Variants in PIN4 observed in about 807,000 individuals in gnomAD.
PIN4 encodes the protein peptidyl-prolyl cis-trans isomerase NIMA-interacting 4.
PIN4 carries 3 observed loss-of-function variants against 8.3 expected under a neutral mutation model. The ratio of observed to expected loss-of-function variants is 0.36; its 90% CI spans 0.16 to 0.93. The LOEUF (loss-of-function observed/expected upper bound fraction) is 0.93. Ranked by LOEUF, PIN4 falls within the 40% of genes least tolerant of loss-of-function variation. The pLI is 0.44. For synonymous variants in PIN4, 18 were observed against 32.5 expected, an observed-to-expected ratio of 0.55 and a Z score of 1.52; for missense variants, 75 against 100.6, an observed-to-expected ratio of 0.75 and a Z score of 1.09.
At position 72,253,413 on chromosome X, in the gene PIN4, G is replaced by A. The variant is rs1032699091; in HGVS notation, c.313-9294G>A. On this transcript the variant is annotated intron_variant, in intron 3 of 3. Coordinates refer to the PIN4 transcript ENST00000423432. The stretch of plus-strand genomic sequence containing the variant: ...GGCTGAGGCAGCTGGATTGCCTGAG[G>A]TCAGGAGTTCGAGACCAGCCTGACC... Among the ~76,000 whole-genome samples, 6 of 110,775 alleles carry A rather than the reference G, an allele frequency of 5.4e-5. 1 individual carries two copies. Among genetic ancestry groups the A allele is most frequent in the Admixed American group, 9.6e-5 (1 of 10,399 alleles).
At chrX:72,191,985 CT>C (rs1458567636) in intron 2 of PIN4, among the ~76,000 whole-genome samples, 2 of 110,053 alleles carry the variant, frequency 1.8e-5, no homozygotes, top group East Asian at 2.8e-4. Context: ...GAGTCTCACT[CT>C]TGTTGCCCAG....
At chrX:72,206,296 A>C in intron 3 of PIN4, 1 of 1,208,842 alleles carries the variant, frequency 8.3e-7, no homozygotes, top group Non-Finnish European at 1.1e-6. Flanking sequence ...GTTAGTACAA[A>C]GTTCTTCTAC....
intron 3 of PIN4, among the ~76,000 whole-genome samples, chrX:72,209,727 A>T (rs1389479338): frequency 1.8e-5 from 2 of 110,800 alleles, no homozygotes; most frequent in East Asian, 5.7e-4. Flanking sequence ...TCCAATACAC[A>T]CTCTATATAG....
chrX:72,234,883 A>T (rs2043007290), intron 3 of PIN4, among the ~76,000 whole-genome samples: 1 of 111,516 alleles, frequency 9.0e-6, no homozygotes, highest in Non-Finnish European at 1.9e-5. Flanking sequence ...AGAAGGCATG[A>T]AACAGGCATC....
chrX:72,238,354 A>G (rs1012123631), intron 3 of PIN4, among the ~76,000 whole-genome samples: 35 of 111,792 alleles, frequency 3.1e-4, no homozygotes, highest in African/African-American at 1.1e-3. Flanking sequence ...GCCATCCCTT[A>G]GCTGACCACC....
intron 3 of PIN4, among the ~76,000 whole-genome samples, chrX:72,222,770 G>A (rs1179149120): frequency 5.5e-5 from 6 of 108,217 alleles, no homozygotes; most frequent in African/African-American, 2.0e-4. Context: ...GCTAATTTTT[G>A]TATTTTTAGT....
intron 2 of PIN4, among the ~76,000 whole-genome samples, chrX:72,191,475 C>T (rs181905139): frequency 4.5e-4 from 50 of 110,818 alleles, no homozygotes; most frequent in Middle Eastern, 4.6e-3. Context: ...CACTTGGACC[C>T]GAGAGGCGGA....
intron 3 of PIN4, among the ~76,000 whole-genome samples, chrX:72,240,817 T>G (rs5958818): frequency 0.41 from 40,704 of 99,625 alleles, 9,715 homozygotes; most frequent in East Asian, 0.98. Context: ...AGAAAAGGGT[T>G]GGGGGGAGGT....
chrX:72,185,696 G>A (rs2042699430), intron 1 of PIN4, among the ~76,000 whole-genome samples: 1 of 112,395 alleles, frequency 8.9e-6, no homozygotes, highest in East Asian at 2.8e-4. Context: ...GTAGTAAAAT[G>A]ACATACTAGT....
intron 2 of PIN4, among the ~76,000 whole-genome samples, chrX:72,195,860 T>G (rs1468578967): frequency 9.0e-6 from 1 of 111,267 alleles, no homozygotes; most frequent in Non-Finnish European, 1.9e-5. Context: ...GGCTGACGCC[T>G]GTAATCCTAG....
chrX:72,239,265 C>T (rs1344670690), intron 3 of PIN4, among the ~76,000 whole-genome samples: 1 of 112,863 alleles, frequency 8.9e-6, no homozygotes, highest in African/African-American at 3.2e-5. Context: ...TTCGTTCGCG[C>T]GTGCGTGTGC....
chrX:72,246,430 T>C (rs2043067495), intron 3 of PIN4, among the ~76,000 whole-genome samples: 3 of 111,371 alleles, frequency 2.7e-5, no homozygotes, highest in African/African-American at 6.5e-5. Context: ...ATCTGATCTC[T>C]ACCCAAAAAC....
rs2042819326 is a variant in PIN4, at chrX:72,206,286, G to T, written c.312+9382G>T. The stretch of plus-strand genomic sequence containing the variant: ...AGCTTTTTTCCATTCCCAATGAAGA[G>T]TTAGTACAAAGTTCTTCTACACTTC... On this transcript the variant is annotated intron_variant, in intron 3 of 3. Coordinates refer to the PIN4 transcript ENST00000423432. 2.5e-6 allele frequency: 3 copies of T among 1,208,431 alleles called. No individual in the cohort carries two copies. The East Asian group carries it at 8.9e-5, about 36-fold the overall frequency.
At chrX:72,213,961 T>C (rs978283972) in intron 3 of PIN4, among the ~76,000 whole-genome samples, 2 of 112,376 alleles carry the variant, frequency 1.8e-5, no homozygotes, top group African/African-American at 6.5e-5. Flanking sequence ...GAGTATCTGC[T>C]CCCTGACATG....
intron 3 of PIN4, among the ~76,000 whole-genome samples, chrX:72,219,612 C>G (rs1290038551): frequency 4.5e-5 from 5 of 110,319 alleles, no homozygotes; most frequent in Admixed American, 2.9e-4. Context: ...CTTTGGGAGG[C>G]CAAGGCGGGC....
In PIN4 at chrX:72,181,845, G is replaced by A; in HGVS notation, c.43+17G>A. 1.0e-6 allele frequency: 1 copy of A among 978,100 alleles called. No individual in the cohort carries two copies. Among genetic ancestry groups the A allele is most frequent in the South Asian group, 2.0e-5 (1 of 50,278 alleles). The allele number at this position is 978,100 out of a possible 1,213,427, so 80.6% of individuals were successfully genotyped here. On this transcript the variant is annotated intron_variant, in intron 1 of 3. Coordinates refer to ENST00000373669, the MANE Select transcript of PIN4 (RefSeq NM_006223.4). ...CGGGGAAAGGTAGAGCGGCCAGAGC[G>A]ATCAAGGAGAATGGGGGCGGGTGAG...
intron 2 of PIN4, among the ~76,000 whole-genome samples, chrX:72,190,808 T>C (rs67838014): frequency 0.49 from 52,583 of 107,931 alleles, 12,489 homozygotes; most frequent in East Asian, 0.98. Context: ...CAAAAATTAG[T>C]CGGGTGTGGT....
At chrX:72,192,867 G>A (rs1261589552) in intron 2 of PIN4, among the ~76,000 whole-genome samples, 2 of 111,668 alleles carry the variant, frequency 1.8e-5, no homozygotes, top group African/African-American at 6.5e-5. Context: ...CAAAGTGCTG[G>A]GGTTATAGGT....
intron 3 of PIN4, chrX:72,206,426 G>A (rs373087197): frequency 8.3e-7 from 1 of 1,208,183 alleles, no homozygotes; most frequent in African/African-American, 1.8e-5. Context: ...CCCTCTTTGG[G>A]CAGATCATCA....
Sources: allele counts gnomAD v4.1 joint callset (sites outside exome capture counted in the v4.1 genomes callset), GRCh38; gene constraint gnomAD v4.1.1; transcripts MANE v1.5; gene names NCBI Gene and HGNC (gene_info 2026-07-23, HGNC 2026-07-21).